Variants in MICALL1 observed in about 807,000 individuals in gnomAD.
MICALL1 encodes MICAL-like protein 1.
Under a neutral mutation model 83.7 loss-of-function variants are expected in MICALL1, and 61 were observed. That is an observed-to-expected ratio of 0.73 (90% CI 0.59 to 0.90). The LOEUF (loss-of-function observed/expected upper bound fraction) is 0.90, where lower values mean the gene tolerates loss of function less well. Among genes scored for constraint, MICALL1 ranks in the 40% least tolerant of loss-of-function variants. The pLI is 0.00. For synonymous variants in MICALL1, 481 were observed against 473.6 expected, an observed-to-expected ratio of 1.02 and a Z score of -0.20; for missense variants, 1,066 against 1,152.0, an observed-to-expected ratio of 0.93 and a Z score of 1.08.
chr22:37,925,016 G>T (rs966417447), intron 7 of MICALL1, among the ~76,000 whole-genome samples: 9 of 152,184 alleles, frequency 5.9e-5, no homozygotes, highest in African/African-American at 2.2e-4. Flanking sequence ...GCCGAGGCTT[G>T]ATTATAGAGT....
Position 37,932,729 on chromosome 22 carries a change from C to A in MICALL1, c.2143+50C>A. The A allele has an allele frequency of 6.2e-7, 1 of 1,612,414 alleles. No individual in the cohort carries two copies. Among genetic ancestry groups the A allele is most frequent in the Admixed American group, 1.7e-5 (1 of 59,836 alleles). On this transcript the variant is annotated intron_variant, in intron 11 of 15. Transcript: ENST00000215957. This position sits in a 1 kb window ranked among gnomAD's most constrained non-coding sequence, Gnocchi z 4.4. ...GCTGGGTGGGGCTGGGGGCAGGAGC[C>A]TCTATTCCCCGGGGAACTGAGCCAG...
At position 37,927,431 on chromosome 22, in the gene MICALL1, T is replaced by TCGCACTCGGAGC. The variant is rs773553049; in HGVS notation, c.1490_1501dup (p.His497_Pro500dup). 31 of 1,590,490 alleles carry TCGCACTCGGAGC rather than the reference T, an allele frequency of 1.9e-5. No homozygotes were observed. The highest frequency in any genetic ancestry group is 2.7e-5 in the Non-Finnish European group (31 of 1,167,014). On this transcript the variant is annotated inframe_insertion, in exon 9 of 16. Coordinates refer to ENST00000215957, the MANE Select transcript of MICALL1 (RefSeq NM_033386.4). ...CACAGCTCTCCACGCCTCCCGCCTC[T>TCGCACTCGGAGC]CGCACTCGGAGCCGCCCTCGGCCAC...
At chr22:37,909,199 C>T (rs1391960554) in intron 1 of MICALL1, among the ~76,000 whole-genome samples, 8 of 151,868 alleles carry the variant, frequency 5.3e-5, no homozygotes, top group South Asian at 2.1e-4. Context: ...ATTACAGGCA[C>T]GCACCACCAT....
chr22:37,918,045 G>T (rs1475640678), intron 4 of MICALL1, among the ~76,000 whole-genome samples: 1 of 152,216 alleles, frequency 6.6e-6, no homozygotes, highest in East Asian at 1.9e-4. Flanking sequence ...GACTCAGGTG[G>T]GGTCAGGAGA....
chr22:37,913,472 A>C (rs1928469851), intron 3 of MICALL1, among the ~76,000 whole-genome samples: 1 of 152,218 alleles, frequency 6.6e-6, no homozygotes, highest in African/African-American at 2.4e-5. Context: ...TCCTGTTTGC[A>C]GACACTTCCT....
At position 37,931,666 on chromosome 22, in the gene MICALL1, A is replaced by G. The variant is rs536882695; in HGVS notation, c.1882-133A>G. 1.3e-4 allele frequency: 131 copies of G among 1,022,116 alleles called. 2 individuals carry two copies. The South Asian group carries it at 1.9e-3, about 15-fold the overall frequency. 63.3% of individuals were successfully genotyped at this position (1,022,116 alleles called of 1,614,324 possible). On this transcript the variant is annotated intron_variant, in intron 9 of 15. Transcript: ENST00000215957. ...AGTGCATCAGAGACGGAATTCAAGG[A>G]GACTGTCTCTTTGCCTGGGTCCTGC...
Position 37,927,747 on chromosome 22 carries a change from C to T in MICALL1, c.1802C>T (p.Thr601Ile). 3 of 1,613,856 alleles carry T rather than the reference C, an allele frequency of 1.9e-6. No homozygotes were observed. The highest frequency in any genetic ancestry group is 2.5e-6 in the Non-Finnish European group (3 of 1,180,014). Residue 601 changes from threonine to isoleucine, a missense_variant, in exon 9 of 16, where the codon ACC (threonine) becomes ATC (isoleucine). Thr to Ile is a moderately conservative substitution (Grantham distance 89). Transcript: ENST00000215957. ...CCAGCCAAGCCCTGCAGTGGCGCCA[C>T]CCCAACGCCTCTCTTGTTGGTTGGA... ...PQPAKPCSGA[T>I]PTPLLLVGDR...
rs1345860512 is a variant in MICALL1 at position 37,927,767 on chromosome 22, G to A, written c.1822G>A (p.Val608Ile). 6.2e-7 allele frequency: 1 copy of A among 1,613,314 alleles called. No homozygotes were observed. Among genetic ancestry groups the A allele is most frequent in the African/African-American group, 1.3e-5 (1 of 74,890 alleles). The change falls in exon 9 of 16, where the codon GTT becomes ATT. Residue 608 changes from valine (V) to isoleucine (I), a missense_variant. Coordinates refer to ENST00000215957, the MANE Select transcript of MICALL1 (RefSeq NM_033386.4). ...CGCCACCCCAACGCCTCTCTTGTTG[G>A]TTGGAGACAGGAGCCCGGTGCCTTC... The part of the protein sequence containing the change: ...SGATPTPLLL[V>I]GDRSPVPSPG...
intron 1 of MICALL1, among the ~76,000 whole-genome samples, chr22:37,908,176 T>G (rs1192563874): frequency 6.6e-6 from 1 of 152,128 alleles, no homozygotes; most frequent in Non-Finnish European, 1.5e-5. Flanking sequence ...GGCATCAGTG[T>G]CCTCATCTGT....
rs201062400 is a variant in MICALL1 at position 37,940,861 on chromosome 22, C to G, written c.*31C>G. Reference sequence around the variant, plus strand: ...CGAGAAGCCAGTTGGGGACTGCCCCCTCCTGGAGCAGCTCCTGGGCTGTGC... The same window carrying G: ...CGAGAAGCCAGTTGGGGACTGCCCCGTCCTGGAGCAGCTCCTGGGCTGTGC... On this transcript the variant is annotated 3_prime_UTR_variant, in exon 16 of 16. Coordinates refer to ENST00000215957, the MANE Select transcript of MICALL1 (RefSeq NM_033386.4). 33 of 1,612,054 alleles carry G rather than the reference C, an allele frequency of 2.0e-5. No homozygotes were observed. The East Asian group carries it at 4.9e-4, about 24-fold the overall frequency.
chr22:37,937,360 C>A (rs1930188547), intron 14 of MICALL1, among the ~76,000 whole-genome samples, 166 bp downstream of exon 14: 1 of 151,708 alleles, frequency 6.6e-6, no homozygotes, highest in Admixed American at 6.6e-5. Context: ...TTGCTCAGCC[C>A]TGTGTGGACA....
At chr22:37,937,418 C>CCTT (rs774179854) in intron 14 of MICALL1, among the ~76,000 whole-genome samples, 7 of 113,404 alleles carry the variant, frequency 6.2e-5, no homozygotes, top group Admixed American at 1.0e-4. Context: ...GCTGCCGCTG[C>CCTT]TTTTTTTTTT....
rs1487938082 is a variant in MICALL1 at position 37,906,544 on chromosome 22, T to C, written c.122T>C (p.Leu41Pro). 2 of 1,195,490 alleles carry C rather than the reference T, an allele frequency of 1.7e-6. No individual in the cohort carries two copies. Among genetic ancestry groups the C allele is most frequent in the Non-Finnish European group, 2.1e-6 (2 of 957,190 alleles). The allele number at this position is 1,195,490 out of a possible 1,614,324, so 74.1% of individuals were successfully genotyped here. Residue 41 changes from leucine to proline, a missense_variant, in exon 1 of 16, where the codon CTG becomes CCG. Leu to Pro is a moderately conservative substitution (Grantham distance 98). Coordinates refer to ENST00000215957, the MANE Select transcript of MICALL1 (RefSeq NM_033386.4). This position sits in a 1 kb window ranked among gnomAD's most constrained non-coding sequence, Gnocchi z 4.4. ...FRDGLAFCAILHRHRPDLLDF... is the reference protein window; with the variant it reads ...FRDGLAFCAIPHRHRPDLLDF... The stretch of plus-strand genomic sequence containing the variant: ...GACGGCCTGGCCTTCTGCGCCATCC[T>C]GCACCGGCACCGGCCCGACCTGCTG...
chr22:37,927,444 C>G lies in MICALL1; in HGVS notation c.1499C>G (p.Pro500Arg). 6.3e-7 allele frequency: 1 copy of G among 1,595,542 alleles called. No individual in the cohort carries two copies. Among genetic ancestry groups the G allele is most frequent in the South Asian group, 1.1e-5 (1 of 90,780 alleles). The change falls in exon 9 of 16, where the codon CCG becomes CGG. Residue 500 changes from proline (P) to arginine (R), a missense_variant. By Grantham distance (103) the Pro-to-Arg change is moderately radical (BLOSUM62 -2). Transcript: ENST00000215957. ...LHASRLSHSE[P>R]PSATPSPALS... ...GCCTCCCGCCTCTCGCACTCGGAGC[C>G]GCCCTCGGCCACACCATCGCCAGCG...
rs1406942384 is a variant in MICALL1 at position 37,921,036 on chromosome 22, T to TA, written c.570-935dup. On this transcript the variant is annotated intron_variant, in intron 5 of 15. Transcript: ENST00000215957. ...CCAGGAGTTTGAGGCTGCAGTGAGTTATGACTGCACTACTGCACTCCAACC... is the reference window on the plus strand; with the variant it reads ...CCAGGAGTTTGAGGCTGCAGTGAGTTAATGACTGCACTACTGCACTCCAACC... 8.6e-5 allele frequency among the ~76,000 whole-genome samples: 13 copies of TA among 151,852 alleles called. No individual in the cohort carries two copies. The East Asian group carries it at 2.6e-3, about 30-fold the overall frequency.
Position 37,932,004 on chromosome 22 carries a change from C to A in MICALL1, c.2016+71C>A. Reference sequence around the variant, plus strand: ...ACCCCCACTCTGCAGCTGCAGTCTTCCCCTGGGACTCTAAGGAGGCTGGCT... The same window carrying A: ...ACCCCCACTCTGCAGCTGCAGTCTTACCCTGGGACTCTAAGGAGGCTGGCT... On this transcript the variant is annotated intron_variant, in intron 10 of 15. Coordinates refer to ENST00000215957, the MANE Select transcript of MICALL1 (RefSeq NM_033386.4). This position sits in a 1 kb window ranked among gnomAD's most constrained non-coding sequence, Gnocchi z 4.4. The A allele has an allele frequency of 6.4e-7, 1 of 1,564,980 alleles. No homozygotes were observed. Among genetic ancestry groups the A allele is most frequent in the Admixed American group, 1.9e-5 (1 of 52,386 alleles).
chr22:37,924,778 C>T lies in MICALL1; in HGVS notation c.1082+61C>T. On this transcript the variant is annotated intron_variant, in intron 7 of 15. Coordinates refer to ENST00000215957, the MANE Select transcript of MICALL1 (RefSeq NM_033386.4). This position sits in a 1 kb window ranked among gnomAD's most constrained non-coding sequence, Gnocchi z 5.2. ...GGTCCTGGTGGTGGGAATCAGGGTA[C>T]TCTGGGGCCGGGTAGGGAGAGAGGC... 1.3e-6 allele frequency: 2 copies of T among 1,561,118 alleles called. No homozygotes were observed. Among genetic ancestry groups the T allele is most frequent in the South Asian group, 1.1e-5 (1 of 88,062 alleles).
chr22:37,921,699 G>C (rs1258934998), intron 5 of MICALL1, among the ~76,000 whole-genome samples: 1 of 152,200 alleles, frequency 6.6e-6, no homozygotes, highest in East Asian at 1.9e-4. Flanking sequence ...CCTCTCAGGG[G>C]GACCTTTGCT....
chr22:37,939,631 G>A (rs770369038), intron 15 of MICALL1, among the ~76,000 whole-genome samples: 1 of 151,988 alleles, frequency 6.6e-6, no homozygotes, highest in Non-Finnish European at 1.5e-5. Context: ...AAAATTAGCC[G>A]CGCATGGCAG....
Sources: gnomAD v4.1 joint callset for allele counts (sites outside exome capture counted in the v4.1 genomes callset) on GRCh38, gnomAD v4.1.1 for gene constraint, Gnocchi (gnomAD v3.1) non-coding constraint, MANE v1.5 for transcripts, NCBI Gene and HGNC (gene_info 2026-07-23, HGNC 2026-07-21) for gene names.